Variants in PREX2 observed in about 807,000 individuals in gnomAD.
PREX2 encodes the protein phosphatidylinositol 3,4,5-trisphosphate-dependent Rac exchanger 2 protein.
In PREX2, 107 loss-of-function variants were observed where a neutral mutation model predicts 203.2. The ratio of observed to expected loss-of-function variants is 0.53; its 90% CI spans 0.45 to 0.62. The LOEUF (loss-of-function observed/expected upper bound fraction) is 0.62, where lower values mean the gene tolerates loss of function less well. Ranked by LOEUF, PREX2 falls within the 20% of genes least tolerant of loss-of-function variation. The pLI is 0.00. For synonymous variants in PREX2, 672 were observed against 663.6 expected (o/e 1.01, Z -0.19); for missense variants, 1,777 against 1,955.9 (o/e 0.91, Z 1.72).
chr8:68,093,406 AAAAAAG>A (rs1312117938), intron 20 of PREX2, among the ~76,000 whole-genome samples, 193 bp from the exon 21 acceptor site: 184 of 150,392 alleles, frequency 1.2e-3, no homozygotes, highest in African/African-American at 4.5e-3. Flanking sequence ...AAAAAAAAAA[AAAAAAG>A]AAAGAAAGAG....
intron 5 of PREX2, 25 bp from the exon 6 acceptor site, chr8:68,030,472 G>A (rs1406657155): frequency 2.5e-6 from 4 of 1,607,692 alleles, no homozygotes; most frequent in South Asian, 1.1e-5. Flanking sequence ...ATCAAAGGGC[G>A]ATTTGTTTTT....
intron 1 of PREX2, among the ~76,000 whole-genome samples, chr8:68,013,560 T>C (rs1361676180): frequency 6.6e-6 from 1 of 152,188 alleles, no homozygotes; most frequent in African/African-American, 2.4e-5. Context: ...CAAACCCAAA[T>C]GACAAACTTC....
chr8:68,026,569 G>T (rs1807719039), intron 4 of PREX2, among the ~76,000 whole-genome samples: 1 of 151,828 alleles, frequency 6.6e-6, no homozygotes, highest in Admixed American at 6.6e-5. Context: ...ATCAATGAAA[G>T]CTGCTTCAGT....
chr8:67,975,822 G>C (rs1305699768), intron 1 of PREX2, among the ~76,000 whole-genome samples: 7 of 143,298 alleles, frequency 4.9e-5, no homozygotes, highest in Admixed American at 2.9e-4. Flanking sequence ...TCCTGCCTCA[G>C]CCTCCCGAGT....
At position 68,044,499 on chromosome 8, in the gene PREX2, C is replaced by G; in HGVS notation, c.852C>G (p.Asn284Lys). 6.2e-7 allele frequency: 1 copy of G among 1,610,678 alleles called. No homozygotes were observed. The highest frequency in any genetic ancestry group is 8.5e-7 in the Non-Finnish European group (1 of 1,177,268). The change falls in exon 8 of 40, where the codon AAC becomes AAG. Residue 284 changes from asparagine to lysine, a missense_variant. Transcript: ENST00000288368. Reference protein sequence around the residue: ...YCKRKHRRLKNSKASTDGHRY... With the variant: ...YCKRKHRRLKKSKASTDGHRY... Reference sequence around the variant, plus strand: ...ATTCCATCTTAAGACGGTTGAAGAACAGCAAGGCATCTACAGATGGACATC... The same window carrying G: ...ATTCCATCTTAAGACGGTTGAAGAAGAGCAAGGCATCTACAGATGGACATC...
chr8:67,985,790 C>G (rs944736155), intron 1 of PREX2, among the ~76,000 whole-genome samples: 37 of 152,182 alleles, frequency 2.4e-4, no homozygotes, highest in African/African-American at 8.7e-4. Flanking sequence ...GGCCATTGGG[C>G]TTGGCTGGTC....
intron 7 of PREX2, among the ~76,000 whole-genome samples, chr8:68,041,044 T>A (rs1563513739): frequency 6.6e-6 from 1 of 152,104 alleles, no homozygotes; most frequent in Non-Finnish European, 1.5e-5. Context: ...AATAGTAGAG[T>A]GACATTTAAT....
intron 35 of PREX2, among the ~76,000 whole-genome samples, chr8:68,182,319 T>C (rs999082284): frequency 3.3e-5 from 5 of 152,252 alleles, no homozygotes; most frequent in African/African-American, 1.2e-4. Flanking sequence ...ATCACACTTA[T>C]TGTGTGACTT....
rs374727819 is a variant in PREX2 at position 67,952,384 on chromosome 8, C to T, written c.-11C>T. Reference sequence around the variant, plus strand: ...CGGCGGGCAGCGCCGCGCTGCGCACCGCCGCCGACCATGAGCGAGGACAGC... The same window carrying T: ...CGGCGGGCAGCGCCGCGCTGCGCACTGCCGCCGACCATGAGCGAGGACAGC... On this transcript the variant is annotated 5_prime_UTR_variant, in exon 1 of 40. Coordinates refer to ENST00000288368, the MANE Select transcript of PREX2 (RefSeq NM_024870.4). 1.7e-5 allele frequency: 26 copies of T among 1,527,490 alleles called. No individual in the cohort carries two copies. The African/African-American group carries it at 3.6e-4, about 21-fold the overall frequency. 94.6% of individuals were successfully genotyped at this position (1,527,490 alleles called of 1,614,324 possible). A position where few individuals can be genotyped will look rare whatever the true frequency, so the allele number is the denominator to read the frequency against.
intron 35 of PREX2, among the ~76,000 whole-genome samples, chr8:68,180,541 T>C (rs940854137): frequency 6.6e-6 from 1 of 151,718 alleles, no homozygotes; most frequent in Non-Finnish European, 1.5e-5. Context: ...AGTTTCAAAG[T>C]GTGAATAGTG....
In PREX2 at chr8:67,999,843, A is replaced by C. The variant is rs7009871; in HGVS notation, c.142-18003A>C. 2.5e-3 allele frequency among the ~76,000 whole-genome samples: 383 copies of C among 152,356 alleles called. 1 individual carries two copies. The highest frequency in any genetic ancestry group is 8.7e-3 in the African/African-American group (360 of 41,580). On this transcript the variant is annotated intron_variant, in intron 1 of 39. Transcript: ENST00000288368. ...ATCAATAAATGTGATTCATCACATA[A>C]AACAGAACTAAAGACCAAAACCACA... is the stretch of plus-strand genomic sequence containing the variant.
chr8:68,090,492 A>G (rs1809836379), intron 19 of PREX2, 87 bp from the exon 20 acceptor site: 1 of 1,197,932 alleles, frequency 8.3e-7, no homozygotes, highest in Admixed American at 2.1e-5. Context: ...ATCATATTTT[A>G]AAATTGCTTC....
rs1392322667 is a variant in PREX2 at position 68,217,631 on chromosome 8, G to A, written c.4620G>A (p.Val1540=). Reference sequence around the variant, plus strand: ...TGGCCCACAGGTGCACCCTGAGCGTGACGCTGGAGCAAGCCATCATTCTGG... The same window carrying A: ...TGGCCCACAGGTGCACCCTGAGCGTAACGCTGGAGCAAGCCATCATTCTGG... ...SSGVHRCTLS[V]TLEQAIILAR... The change falls in exon 38 of 40, where the codon GTG becomes GTA. Residue 1540 remains valine, a synonymous_variant. Coordinates refer to ENST00000288368, the MANE Select transcript of PREX2 (RefSeq NM_024870.4). The A allele has an allele frequency of 2.5e-6, 4 of 1,614,010 alleles. No individual in the cohort carries two copies. The highest frequency in any genetic ancestry group is 2.7e-5 in the African/African-American group (2 of 74,946).
At chr8:68,129,289 G>A (rs1040168665) in intron 31 of PREX2, among the ~76,000 whole-genome samples, 19 of 152,132 alleles carry the variant, frequency 1.2e-4, no homozygotes, top group Middle Eastern at 3.4e-3. Flanking sequence ...GGGATGCTTC[G>A]TTTTATTCAT....
intron 26 of PREX2, among the ~76,000 whole-genome samples, chr8:68,116,885 C>CAAAT (rs1475943759): frequency 1.3e-5 from 2 of 152,198 alleles, no homozygotes; most frequent in African/African-American, 4.8e-5. Context: ...ACTAGACTTC[C>CAAAT]AAATGATGTC....
intron 39 of PREX2, among the ~76,000 whole-genome samples, chr8:68,224,948 G>A (rs1813029342): frequency 6.6e-6 from 1 of 152,114 alleles, no homozygotes; most frequent in African/African-American, 2.4e-5. Context: ...TGTACATGCT[G>A]TTCCTTCTAG....
rs1200409569 is a variant in PREX2 at position 68,118,663 on chromosome 8, G to T, written c.3421+19G>T. ...GACTCAGGTGTGTTCGTTGGTGAAGGCCTGTGGGCTTTTTGATATTAGTCC... is the reference window on the plus strand; with the variant it reads ...GACTCAGGTGTGTTCGTTGGTGAAGTCCTGTGGGCTTTTTGATATTAGTCC... On this transcript the variant is annotated intron_variant, in intron 27 of 39. Coordinates refer to ENST00000288368, the MANE Select transcript of PREX2 (RefSeq NM_024870.4). 2 of 1,559,460 alleles carry T rather than the reference G, an allele frequency of 1.3e-6. No homozygotes were observed. The highest frequency in any genetic ancestry group is 1.8e-6 in the Non-Finnish European group (2 of 1,130,550).
chr8:68,215,211 A>C (rs1183388971), intron 37 of PREX2, among the ~76,000 whole-genome samples: 4 of 152,202 alleles, frequency 2.6e-5, no homozygotes, highest in Non-Finnish European at 5.9e-5. Flanking sequence ...ATCAGTTTAA[A>C]AGGATTAAGA....
At chr8:67,984,768 A>G (rs1303875281) in intron 1 of PREX2, among the ~76,000 whole-genome samples, 1 of 152,310 alleles carries the variant, frequency 6.6e-6, no homozygotes, top group Non-Finnish European at 1.5e-5. Context: ...CAAGCTGATC[A>G]TGCTGAATGC....
Sources: allele counts gnomAD v4.1 joint callset (sites outside exome capture counted in the v4.1 genomes callset), GRCh38; gene constraint gnomAD v4.1.1; transcripts MANE v1.5; gene names NCBI Gene and HGNC (gene_info 2026-07-23, HGNC 2026-07-21).